DDHD2: variants seen among roughly 807,000 people sequenced by gnomAD.
DDHD2 encodes DDHD domain containing 2.
A neutral mutation model predicts 91.2 loss-of-function variants in DDHD2; 62 were observed. The observed-to-expected ratio is 0.68, with a 90% CI of 0.55 to 0.84. The LOEUF (loss-of-function observed/expected upper bound fraction) is 0.84, where lower values mean the gene tolerates loss of function less well. DDHD2 is among the 40% of genes least tolerant of loss of function. The pLI is 0.00. For synonymous variants in DDHD2, 271 were observed against 293.9 expected (o/e 0.92, Z 0.80); for missense variants, 740 against 846.9 (o/e 0.87, Z 1.57).
At chr8:38,247,887 T>G in intron 10 of DDHD2, 52 bp downstream of exon 10, 1 of 1,423,094 alleles carries the variant, frequency 7.0e-7, no homozygotes, top group South Asian at 1.5e-5. Flanking sequence ...GTATTTTTGT[T>G]TATCGTGTTT....
chr8:38,269,165 G>A, intron 1 of DDHD2: 1 of 1,509,488 alleles, frequency 6.6e-7, no homozygotes, highest in East Asian at 2.7e-5. Context: ...GCCCACTTCG[G>A]CCCCAAAGGC....
intron 6 of DDHD2, among the ~76,000 whole-genome samples, chr8:38,240,996 G>A (rs1302051513): frequency 6.6e-6 from 1 of 151,584 alleles, no homozygotes; most frequent in African/African-American, 2.4e-5. Flanking sequence ...ACTTAAACTC[G>A]GAGGGCAGAG....
intron 1 of DDHD2, among the ~76,000 whole-genome samples, chr8:38,232,304 T>G (rs1804333848): frequency 6.6e-6 from 1 of 152,166 alleles, no homozygotes; most frequent in South Asian, 2.1e-4. Context: ...GAAGGAGTGT[T>G]GGAGAGGTAG....
At chr8:38,242,144 G>A in intron 6 of DDHD2, 106 bp from the exon 7 acceptor site, 1 of 849,040 alleles carries the variant, frequency 1.2e-6, no homozygotes. Flanking sequence ...AAGTCAGTAT[G>A]TGTTCTGTGC....
At chr8:38,236,766 C>G (rs751076525) in intron 3 of DDHD2, among the ~76,000 whole-genome samples, 1 of 151,870 alleles carries the variant, frequency 6.6e-6, no homozygotes, top group Admixed American at 6.6e-5. Context: ...GTGATCCACC[C>G]GCCTTGGCCT....
chr8:38,264,512 G>A, downstream of DDHD2: 7 of 1,559,280 alleles, frequency 4.5e-6, no homozygotes, highest in Non-Finnish European at 6.1e-6. Flanking sequence ...TCTTGAAATG[G>A]TTTATGGCAT....
At chr8:38,263,088 C>A (rs1278264921), downstream of DDHD2, 1 of 152,162 alleles carries the variant, frequency 6.6e-6, no homozygotes, top group African/African-American at 2.4e-5. Flanking sequence ...AGTTCCAGCC[C>A]CTTAATGTAC....
chr8:38,272,603 C>G (rs1808509286), downstream of DDHD2: 1 of 152,214 alleles, frequency 6.6e-6, no homozygotes, highest in African/African-American at 2.4e-5. Context: ...GTTTCTGAAG[C>G]TTTAGGCTGA....
chr8:38,236,377 C>CA (rs1440407567), intron 3 of DDHD2, among the ~76,000 whole-genome samples: 2 of 147,510 alleles, frequency 1.4e-5, no homozygotes, highest in African/African-American at 2.5e-5. Flanking sequence ...GTTTTTGAGA[C>CA]AGAGTCTCAC....
intron 16 of DDHD2, among the ~76,000 whole-genome samples, chr8:38,257,813 C>T (rs1224240636): frequency 1.3e-5 from 2 of 151,594 alleles, no homozygotes; most frequent in Non-Finnish European, 2.9e-5. Context: ...TACAGGTGTG[C>T]ACCACCATAC....
At position 38,233,039 on chromosome 8, in the gene DDHD2, TC is replaced by T; in HGVS notation, c.47del (p.Pro16HisfsTer13). On this transcript the variant is annotated frameshift_variant, in exon 2 of 18. Coordinates refer to ENST00000397166, the MANE Select transcript of DDHD2 (RefSeq NM_015214.3). LOFTEE classifies it high-confidence loss of function. ...SQQEQLSQSD[P>X]SPSPNSCSSF... ...AACAGGAGCAGTTGTCCCAGTCAGA[TC>T]CATCTCCGTCACCAAACTCATGTAG... The T allele has an allele frequency of 6.2e-7, 1 of 1,614,200 alleles. No individual in the cohort carries two copies. Among genetic ancestry groups the T allele is most frequent in the Non-Finnish European group, 8.5e-7 (1 of 1,180,044 alleles).
intron 3 of DDHD2, among the ~76,000 whole-genome samples, chr8:38,236,179 AT>A (rs1358472024): frequency 1.3e-5 from 2 of 148,520 alleles, no homozygotes; most frequent in Non-Finnish European, 3.0e-5. Context: ...CGCCCAGCTA[AT>A]TTTTTGTATT....
At position 38,249,799 on chromosome 8, in the gene DDHD2, C is replaced by CA; in HGVS notation, c.1342dup (p.Met448AsnfsTer4). ...AACTATTTCAGCACCAGAAAAAACT[C>CA]AATGGTATGTGCCTAATACAGCTTG... On this transcript the variant is annotated frameshift_variant, in exon 11 of 18. Transcript: ENST00000397166. LOFTEE classifies it high-confidence loss of function. 1 of 1,596,500 alleles carries CA rather than the reference C, an allele frequency of 6.3e-7. No individual in the cohort carries two copies. The highest frequency in any genetic ancestry group is 8.6e-7 in the Non-Finnish European group (1 of 1,164,992).
intron 11 of DDHD2, 68 bp from the exon 12 acceptor site, chr8:38,251,844 A>T: frequency 8.8e-7 from 1 of 1,131,794 alleles, no homozygotes; most frequent in Non-Finnish European, 1.3e-6. Context: ...CAGGGTCCTG[A>T]GTAGCTGGGA....
downstream of DDHD2, chr8:38,264,695 T>A (rs568813524): frequency 2.8e-6 from 4 of 1,434,894 alleles, no homozygotes; most frequent in South Asian, 4.5e-5. Flanking sequence ...CCCTCCAGGA[T>A]ACTCTACTGT....
At chr8:38,232,838 TTTATG>T in intron 1 of DDHD2, 144 bp from the exon 2 acceptor site, 2 of 614,598 alleles carry the variant, frequency 3.3e-6, no homozygotes, top group Non-Finnish European at 5.7e-6. Context: ...CAGTTGCTAA[TTTATG>T]TTATTTCTCT....
chr8:38,234,346 A>T (rs754285274), intron 2 of DDHD2, 48 bp from the exon 3 acceptor site: 92 of 1,391,020 alleles, frequency 6.6e-5, no homozygotes, highest in Non-Finnish European at 8.8e-5. Flanking sequence ...ATGTTGGGAG[A>T]TTTATTTTGA....
chr8:38,263,720 C>T (rs1239717808), downstream of DDHD2: 1 of 984,972 alleles, frequency 1.0e-6, no homozygotes, highest in Non-Finnish European at 1.2e-6. Context: ...GTTGGCCATG[C>T]CCTAGATTTT....
chr8:38,233,745 A>G (rs1406815360), intron 2 of DDHD2, among the ~76,000 whole-genome samples: 1 of 151,974 alleles, frequency 6.6e-6, no homozygotes, highest in Non-Finnish European at 1.5e-5. Flanking sequence ...CTGGCCAGCA[A>G]TGGTGAAACC....
Sources: allele counts gnomAD v4.1 joint callset (sites outside exome capture counted in the v4.1 genomes callset), GRCh38; gene constraint gnomAD v4.1.1; transcripts MANE v1.5; gene names NCBI Gene and HGNC (gene_info 2026-07-23, HGNC 2026-07-21).